CAST: variants seen among roughly 807,000 people sequenced by gnomAD.
CAST encodes the protein MIR583 host.
In CAST, 76 loss-of-function variants were observed where a neutral mutation model predicts 119.6. The observed-to-expected ratio is 0.64, with a 90% CI of 0.53 to 0.77. The LOEUF (loss-of-function observed/expected upper bound fraction) is 0.77, where lower values mean the gene tolerates loss of function less well. CAST is among the 30% of genes least tolerant of loss of function. CAST has a pLI of 0.00. For missense variants in CAST, 953 were observed against 946.5 expected (o/e 1.01, Z -0.09); for synonymous variants, 319 against 331.6 (o/e 0.96, Z 0.41).
chr5:96,558,356 A>G (rs2150183869), intron 1 of CAST, among the ~76,000 whole-genome samples: 1 of 151,122 alleles, frequency 6.6e-6, no homozygotes, highest in African/African-American at 2.4e-5. Context: ...AACTAAGATC[A>G]GAGCAGAACT....
the CAST span, among the ~76,000 whole-genome samples, chr5:96,314,159 T>C: frequency 6.6e-6 from 1 of 152,224 alleles, no homozygotes; most frequent in Non-Finnish European, 1.5e-5. Context: ...GTCAGAGAAA[T>C]ATTTTGCTGA....
intron 1 of CAST, among the ~76,000 whole-genome samples, chr5:96,571,241 G>C (rs140885173): frequency 6.6e-6 from 1 of 152,094 alleles, no homozygotes; most frequent in African/African-American, 2.4e-5. Context: ...GATAGGCAGC[G>C]CAGGGAGGGC....
the CAST span, among the ~76,000 whole-genome samples, chr5:96,438,817 G>T: frequency 6.6e-6 from 1 of 152,088 alleles, no homozygotes; most frequent in Non-Finnish European, 1.5e-5. Context: ...GATGCAGAGA[G>T]CCATAATGTA....
upstream of CAST, among the ~76,000 whole-genome samples, chr5:96,527,365 C>T (rs148166906): frequency 3.6e-4 from 55 of 152,292 alleles, no homozygotes; most frequent in African/African-American, 1.3e-3. Context: ...TTTTGCATGA[C>T]TCAGTTTCCA....
the CAST span, among the ~76,000 whole-genome samples, chr5:96,516,456 A>G: frequency 6.6e-6 from 1 of 152,196 alleles, no homozygotes; most frequent in African/African-American, 2.4e-5. Context: ...AAGCATGTTG[A>G]TGCATCTTTT....
intron 1 of CAST, among the ~76,000 whole-genome samples, chr5:96,598,810 C>A (rs1333571968): frequency 2.0e-5 from 3 of 152,142 alleles, no homozygotes; most frequent in African/African-American, 7.2e-5. Flanking sequence ...CTGAATAGAA[C>A]AAAAACACTG....
the CAST span, among the ~76,000 whole-genome samples, chr5:96,165,947 ATTATTTTT>A: frequency 6.6e-6 from 1 of 152,178 alleles, no homozygotes. Flanking sequence ...ATTTACATTA[ATTATTTTT>A]CATTTTCATT....
At chr5:96,772,609 T>C (rs1772871071) in intron 31 of CAST, 31 bp from the exon 32 acceptor site, 1 of 152,750 alleles carries the variant, frequency 6.5e-6, no homozygotes, top group South Asian at 2.1e-4. Flanking sequence ...TATTAAATGA[T>C]TCACTGCATT....
intron 4 of CAST, among the ~76,000 whole-genome samples, chr5:96,725,158 T>C (rs1759027343): frequency 6.6e-6 from 1 of 152,186 alleles, no homozygotes; most frequent in South Asian, 2.1e-4. Flanking sequence ...CGTAATGAAG[T>C]GTCCCCAGTG....
chr5:96,444,512 A>G, the CAST span, among the ~76,000 whole-genome samples: 4 of 151,706 alleles, frequency 2.6e-5, no homozygotes, highest in African/African-American at 9.7e-5. Context: ...ATCATTGTCT[A>G]TAACAGATAA....
chr5:96,392,872 A>G, the CAST span: 1 of 957,598 alleles, frequency 1.0e-6, no homozygotes, highest in Non-Finnish European at 1.6e-6. Flanking sequence ...TTAGGGAGAA[A>G]AAGAAAAGGT....
chr5:96,719,898 A>G (rs540130204), intron 3 of CAST, among the ~76,000 whole-genome samples: 5 of 152,196 alleles, frequency 3.3e-5, no homozygotes, highest in South Asian at 2.1e-4. Flanking sequence ...TTATCCTCCA[A>G]TCACCGCATG....
At chr5:96,736,811 A>C (rs1761742200) in intron 10 of CAST, among the ~76,000 whole-genome samples, 1 of 152,060 alleles carries the variant, frequency 6.6e-6, no homozygotes, top group African/African-American at 2.4e-5. Context: ...AATAGATAGA[A>C]GCACTCTTAT....
chr5:96,211,659 T>A, the CAST span, among the ~76,000 whole-genome samples: 1 of 152,072 alleles, frequency 6.6e-6, no homozygotes, highest in Non-Finnish European at 1.5e-5. Flanking sequence ...CTTCATAAAA[T>A]GAATTAGGCA....
At chr5:96,471,786 G>GTGTGTGTGTGTGTGTGTGTGTGTGTT in the CAST span, among the ~76,000 whole-genome samples, 1,303 of 149,468 alleles carry the variant, frequency 8.7e-3, 17 homozygotes, top group African/African-American at 0.031. Context: ...GTGTGTGTGT[G>GTGTGTGTGTGTGTGTGTGTGTGTGTT]TGTGTGTGTG....
At chr5:96,190,813 G>A in the CAST span, among the ~76,000 whole-genome samples, 16 of 152,116 alleles carry the variant, frequency 1.1e-4, no homozygotes, top group Admixed American at 8.5e-4. Flanking sequence ...GTTTGGGTAC[G>A]GATGGATGAT....
the CAST span, among the ~76,000 whole-genome samples, chr5:96,153,123 G>A: frequency 6.6e-6 from 1 of 152,154 alleles, no homozygotes; most frequent in African/African-American, 2.4e-5. Flanking sequence ...CCTTCAAATT[G>A]ATATTGTGGT....
the CAST span, among the ~76,000 whole-genome samples, chr5:96,309,788 G>C: frequency 6.6e-6 from 1 of 152,210 alleles, no homozygotes; most frequent in Non-Finnish European, 1.5e-5. Flanking sequence ...TACACCCACT[G>C]TCCAACCAGT....
chr5:96,741,709 A>G, intron 15 of CAST, 129 bp downstream of exon 15: 1 of 638,256 alleles, frequency 1.6e-6, no homozygotes. Context: ...TATGTGGAAT[A>G]GTGAAGCCAA....
Sources: gnomAD v4.1 joint callset for allele counts (sites outside exome capture counted in the v4.1 genomes callset) on GRCh38, gnomAD v4.1.1 for gene constraint, MANE v1.5 for transcripts, NCBI Gene and HGNC (gene_info 2026-07-23, HGNC 2026-07-21) for gene names.